The following DGKB variants were observed in gnomAD, a reference collection of about 807,000 sequenced individuals.
DGKB encodes the protein 90 kDa diacylglycerol kinase.
In DGKB, 67 loss-of-function variants were observed where a neutral mutation model predicts 114.3. That is an observed-to-expected ratio of 0.59 (90% CI 0.48 to 0.72). The LOEUF is 0.72. Ranked by LOEUF, DGKB falls within the 30% of genes least tolerant of loss-of-function variation. DGKB has a pLI of 0.00. For synonymous variants in DGKB, 398 were observed against 323.1 expected (o/e 1.23, Z -2.49); for missense variants, 907 against 975.2 (o/e 0.93, Z 0.93).
intron 2 of DGKB, among the ~76,000 whole-genome samples, chr7:14,814,504 T>C (rs576090631): frequency 1.3e-5 from 2 of 152,278 alleles, no homozygotes; most frequent in Non-Finnish European, 2.9e-5. Flanking sequence ...AAACATTCTC[T>C]ACAATAAGAA....
intron 13 of DGKB, among the ~76,000 whole-genome samples, chr7:14,666,354 T>C (rs1214977319): frequency 6.6e-6 from 1 of 152,004 alleles, no homozygotes; most frequent in Non-Finnish European, 1.5e-5. Flanking sequence ...TAAAACAACA[T>C]AGACTACATC....
intron 23 of DGKB, among the ~76,000 whole-genome samples, chr7:14,333,259 C>T (rs1810041896): frequency 6.6e-6 from 1 of 151,888 alleles, no homozygotes; most frequent in African/African-American, 2.4e-5. Flanking sequence ...GAGATAGAGA[C>T]CATCCTGGCT....
intron 1 of DGKB, among the ~76,000 whole-genome samples, chr7:14,921,784 C>G (rs77603407): frequency 0.017 from 2,562 of 152,182 alleles, 79 homozygotes; most frequent in African/African-American, 0.059. Context: ...GACAACTATA[C>G]TAAGGAATTT....
At chr7:14,971,476 T>C (rs1787463701) in intron 1 of DGKB, among the ~76,000 whole-genome samples, 1 of 152,100 alleles carries the variant, frequency 6.6e-6, no homozygotes. Context: ...ATACAGTACT[T>C]TTACAAGAAT....
chr7:14,470,032 A>AC (rs1330849405), intron 21 of DGKB, among the ~76,000 whole-genome samples: 1 of 151,916 alleles, frequency 6.6e-6, no homozygotes, highest in Non-Finnish European at 1.5e-5. Flanking sequence ...ATGCTTACAC[A>AC]CACAAATTTC....
chr7:14,535,487 C>T (rs1792314831), intron 20 of DGKB, among the ~76,000 whole-genome samples: 1 of 151,418 alleles, frequency 6.6e-6, no homozygotes, highest in African/African-American at 2.4e-5. Flanking sequence ...CACGCTAAAG[C>T]CATAGTTAGC....
intron 23 of DGKB, chr7:14,191,924 C>T (rs548045408): frequency 1.6e-6 from 1 of 641,304 alleles, no homozygotes; most frequent in African/African-American, 1.8e-5. Context: ...TGGTAAAAAG[C>T]TGGAAGATGG....
intron 4 of DGKB, among the ~76,000 whole-genome samples, chr7:14,752,995 T>C (rs561680145): frequency 7.2e-5 from 11 of 152,274 alleles, no homozygotes; most frequent in African/African-American, 2.6e-4. Context: ...AAATGGAGGC[T>C]AGTAAATCTC....
intron 21 of DGKB, among the ~76,000 whole-genome samples, chr7:14,355,766 C>T (rs189841239): frequency 2.6e-5 from 4 of 152,054 alleles, no homozygotes; most frequent in South Asian, 2.1e-4. Flanking sequence ...TGCCAGGCTT[C>T]GGTATCAGGA....
intron 21 of DGKB, among the ~76,000 whole-genome samples, chr7:14,424,125 G>A (rs1040131495): frequency 7.2e-5 from 11 of 151,952 alleles, no homozygotes; most frequent in South Asian, 4.1e-4. Context: ...ACCAGGATTG[G>A]TCACTGTTCA....
At chr7:14,863,891 G>A (rs1851336706) in intron 1 of DGKB, among the ~76,000 whole-genome samples, 1 of 152,010 alleles carries the variant, frequency 6.6e-6, no homozygotes. Context: ...TGTGAGGTCA[G>A]GAGTTCGAGA....
upstream of DGKB, among the ~76,000 whole-genome samples, chr7:14,903,668 G>A (rs1783472073): frequency 6.6e-6 from 1 of 152,166 alleles, no homozygotes; most frequent in East Asian, 1.9e-4. Flanking sequence ...GAGGATGGAT[G>A]AAGTAGAAAG....
rs182668351 is a variant in DGKB, at chr7:14,311,243, C to T, written c.2122+27272G>A. ...AGCCAGATAGTAAGTAGAGTTTTGG[C>T]TGGCATTTGGCTCACGGTGTAATCA... On this transcript the variant is annotated intron_variant, in intron 23 of 25. Transcript: ENST00000402815. Among the ~76,000 whole-genome samples the T allele has an allele frequency of 2.1e-3, 320 of 152,222 alleles. 1 individual carries two copies. The highest frequency in any genetic ancestry group is 6.8e-3 in the Middle Eastern group (2 of 294).
chr7:14,449,130 T>A (rs1474336758), intron 21 of DGKB, among the ~76,000 whole-genome samples: 1 of 152,096 alleles, frequency 6.6e-6, no homozygotes, highest in African/African-American at 2.4e-5. Flanking sequence ...TAGAACTTAA[T>A]AATCACATAT....
Position 14,682,742 on chromosome 7 carries a change from C to T in DGKB, c.918+11G>A. 2 of 1,612,296 alleles carry T rather than the reference C, an allele frequency of 1.2e-6. No individual in the cohort carries two copies. Among genetic ancestry groups the T allele is most frequent in the Non-Finnish European group, 1.7e-6 (2 of 1,178,676 alleles). On this transcript the variant is annotated intron_variant, in intron 11 of 25. Coordinates refer to ENST00000402815, the MANE Select transcript of DGKB (RefSeq NM_001350709.2). The stretch of plus-strand genomic sequence containing the variant: ...GCCACCTTCAGAAAGCAAGCATGCA[C>T]ACAAACTTACATCAGTGTTCCTTTT...
intron 23 of DGKB, among the ~76,000 whole-genome samples, chr7:14,317,920 AC>A (rs1562922171): frequency 5.3e-5 from 2 of 37,854 alleles, no homozygotes; most frequent in African/African-American, 1.6e-4. Context: ...ACAGCATGGT[AC>A]TGGTACCAAA....
chr7:14,346,811 T>C (rs1232348131), intron 21 of DGKB, among the ~76,000 whole-genome samples: 1 of 152,002 alleles, frequency 6.6e-6, no homozygotes, highest in Non-Finnish European at 1.5e-5. Flanking sequence ...GATTTATCAT[T>C]CTGATGAAAA....
intron 21 of DGKB, among the ~76,000 whole-genome samples, chr7:14,361,057 C>T (rs1187053594): frequency 6.6e-6 from 1 of 152,054 alleles, no homozygotes; most frequent in East Asian, 1.9e-4. Flanking sequence ...GTGAAGACTA[C>T]CACAGCTTCA....
At chr7:14,229,571 T>C (rs1791393200) in intron 23 of DGKB, among the ~76,000 whole-genome samples, 1 of 152,028 alleles carries the variant, frequency 6.6e-6, no homozygotes, top group Admixed American at 6.6e-5. Context: ...CACGTGTATC[T>C]ATATTTATGT....
Sources: gnomAD v4.1 joint callset for allele counts (sites outside exome capture counted in the v4.1 genomes callset) on GRCh38, gnomAD v4.1.1 for gene constraint, MANE v1.5 for transcripts, NCBI Gene and HGNC (gene_info 2026-07-23, HGNC 2026-07-21) for gene names.